HAPLN3: variants seen among roughly 807,000 people sequenced by gnomAD.
The protein encoded by HAPLN3 is extracellular link domain containing, 1.
Under a neutral mutation model 28.1 loss-of-function variants are expected in HAPLN3, and 28 were observed. The ratio of observed to expected loss-of-function variants is 1.00; its 90% CI spans 0.74 to 1.37. The LOEUF (loss-of-function observed/expected upper bound fraction) is 1.37. HAPLN3 is among the 40% of genes most tolerant of loss of function. The probability of loss-of-function intolerance (pLI) is 0.00; values close to 1 mark genes in which losing one functional copy is unlikely to be tolerated. For missense variants in HAPLN3, 513 were observed against 504.6 expected (o/e 1.02, Z -0.16); for synonymous variants, 211 against 213.1 (o/e 0.99, Z 0.09).
chr15:88,882,536 A>G (rs1167075727), intron 2 of HAPLN3, among the ~76,000 whole-genome samples: 1 of 152,222 alleles, frequency 6.6e-6, no homozygotes, highest in Non-Finnish European at 1.5e-5. Context: ...CAGAACTTCT[A>G]AAGGAGACTA....
chr15:88,882,789 A>C lies in HAPLN3; in HGVS notation c.125-1064T>G, dbSNP rs978988857. ...GAGGCCAGGACAGGAGGATCGCTTCAGCCCAGGAGTTTGAGACCAGCCTGG... is the reference window on the plus strand; with the variant it reads ...GAGGCCAGGACAGGAGGATCGCTTCCGCCCAGGAGTTTGAGACCAGCCTGG... On this transcript the variant is annotated intron_variant, in intron 2 of 4. Coordinates refer to ENST00000359595, the MANE Select transcript of HAPLN3 (RefSeq NM_178232.4). 2.6e-5 allele frequency among the ~76,000 whole-genome samples: 4 copies of C among 152,182 alleles called. No homozygotes were observed. In the East Asian group the frequency reaches 7.7e-4, roughly 29 times the overall value.
rs770149173 is a variant in HAPLN3 at position 88,879,244 on chromosome 15, G to A, written c.519C>T (p.Pro173=). 4.4e-6 allele frequency: 7 copies of A among 1,608,456 alleles called. No individual in the cohort carries two copies. Among genetic ancestry groups the A allele is most frequent in the South Asian group, 2.2e-5 (2 of 90,370 alleles). ...LRGVVFPYQS[P]NGRYQFNFHE... is the part of the protein sequence containing the mutation. ...GGAAGTTGAACTGGTAGCGCCCGTT[G>A]GGGGACTGGTAAGGAAAGACCACAC... The change falls in exon 4 of 5, where the codon CCC becomes CCT. Residue 173 remains proline, a synonymous_variant. Transcript: ENST00000359595. This position sits in a 1 kb window ranked among gnomAD's most constrained non-coding sequence, Gnocchi z 5.0.
In HAPLN3 at chr15:88,881,602, C is replaced by T. The variant is rs1287870721; in HGVS notation, c.248G>A (p.Arg83His). 6.2e-6 allele frequency: 10 copies of T among 1,614,028 alleles called. No homozygotes were observed. The highest frequency in any genetic ancestry group is 1.7e-5 in the Admixed American group (1 of 60,034). The change falls in exon 3 of 5, where the codon CGT becomes CAT. Residue 83 changes from arginine to histidine, a missense_variant. Physicochemically the swap from Arg to His is conservative, Grantham distance 29. Transcript: ENST00000359595. This position sits in a 1 kb window ranked among gnomAD's most constrained non-coding sequence, Gnocchi z 6.0. Reference sequence around the variant, plus strand: ...CAGCTTCCACCATTTGACACGCACACGCCGCGGGGAGACCAGGGCCGGCTC... The same window carrying T: ...CAGCTTCCACCATTTGACACGCACATGCCGCGGGGAGACCAGGGCCGGCTC... The part of the protein sequence containing the change: ...RYEPALVSPR[R>H]VRVKWWKLSE...
At chr15:88,886,773 C>T (rs8023515) in intron 2 of HAPLN3, among the ~76,000 whole-genome samples, 14,254 of 152,208 alleles carry the variant, frequency 0.094, 776 homozygotes, top group Non-Finnish European at 0.13. Context: ...TGCAGTGAGC[C>T]GAGATCGTGC....
intron 1 of HAPLN3, among the ~76,000 whole-genome samples, chr15:88,889,761 C>T (rs755876687): frequency 6.6e-6 from 1 of 152,184 alleles, no homozygotes; most frequent in Admixed American, 6.5e-5. Flanking sequence ...GGCAGCAAGA[C>T]CAGAATGACA....
At chr15:88,885,884 G>A (rs1897839615) in intron 2 of HAPLN3, among the ~76,000 whole-genome samples, 1 of 151,962 alleles carries the variant, frequency 6.6e-6, no homozygotes, top group South Asian at 2.1e-4. Flanking sequence ...ACTGCACCCA[G>A]CCCTCAGCTT....
At chr15:88,885,095 A>G (rs1056972806) in intron 2 of HAPLN3, among the ~76,000 whole-genome samples, 6 of 152,268 alleles carry the variant, frequency 3.9e-5, no homozygotes, top group Non-Finnish European at 4.4e-5. Flanking sequence ...AAAAGAGGGA[A>G]AATGCCTCTG....
intron 1 of HAPLN3, among the ~76,000 whole-genome samples, chr15:88,887,830 T>A (rs780825463): frequency 2.0e-5 from 3 of 151,670 alleles, no homozygotes; most frequent in Non-Finnish European, 4.4e-5. Context: ...AGGCATGGTG[T>A]CACATGTCTG....
intron 1 of HAPLN3, among the ~76,000 whole-genome samples, chr15:88,887,855 C>T (rs558034220): frequency 5.4e-4 from 82 of 151,836 alleles, no homozygotes; most frequent in African/African-American, 1.7e-3. Context: ...CCCAGCTACT[C>T]GGGAGGCTGA....
At chr15:88,882,854 A>G (rs529601063) in intron 2 of HAPLN3, among the ~76,000 whole-genome samples, 3 of 152,250 alleles carry the variant, frequency 2.0e-5, no homozygotes, top group African/African-American at 7.2e-5. Context: ...AAAATTTTTA[A>G]AACTAGCTGA....
chr15:88,880,287 C>G lies in HAPLN3; in HGVS notation c.494-1018G>C. Reference sequence around the variant, plus strand: ...AGACCAATGACTCTTGCAGGTTCTCCCCAACTCCACTGCCACCCCAACTTC... The same window carrying G: ...AGACCAATGACTCTTGCAGGTTCTCGCCAACTCCACTGCCACCCCAACTTC... On this transcript the variant is annotated intron_variant, in intron 3 of 4. Transcript: ENST00000359595. This position sits in a 1 kb window ranked among gnomAD's most constrained non-coding sequence, Gnocchi z 6.0. 1.9e-6 allele frequency: 2 copies of G among 1,061,984 alleles called. No homozygotes were observed. The highest frequency in any genetic ancestry group is 2.3e-6 in the Non-Finnish European group (2 of 874,500). 65.8% of individuals were successfully genotyped at this position (1,061,984 alleles called of 1,614,324 possible).
intron 2 of HAPLN3, among the ~76,000 whole-genome samples, chr15:88,884,897 G>A (rs1286913637): frequency 6.6e-6 from 1 of 152,186 alleles, no homozygotes; most frequent in Non-Finnish European, 1.5e-5. Context: ...ACCAGAACCG[G>A]AAGAGGCAAG....
rs1277801061 is a variant in HAPLN3, at chr15:88,880,459, T to C, written c.493+898A>G. ...GAGGAAAGATTGTGATACCCCATTT[T>C]ACACCTGAGAGGCCCAGGGCTCTAA... On this transcript the variant is annotated intron_variant, in intron 3 of 4. Transcript: ENST00000359595. This position sits in a 1 kb window ranked among gnomAD's most constrained non-coding sequence, Gnocchi z 6.0. The C allele has an allele frequency of 2.7e-5, 33 of 1,223,162 alleles. No homozygotes were observed. Among genetic ancestry groups the C allele is most frequent in the Non-Finnish European group, 3.3e-5 (31 of 951,720 alleles). 75.8% of individuals were successfully genotyped at this position (1,223,162 alleles called of 1,614,324 possible).
chr15:88,881,467 T>A lies in HAPLN3; in HGVS notation c.383A>T (p.Asp128Val), dbSNP rs1443596368. 6.2e-7 allele frequency: 1 copy of A among 1,613,924 alleles called. No individual in the cohort carries two copies. The highest frequency in any genetic ancestry group is 1.3e-5 in the African/African-American group (1 of 74,938). ...CAGATCCTGGATCTCCAGCGAGACG[T>A]CATGCTCTTTGTCCTGCCGCAGGTG... ...RVHLRQDKEH[D>V]VSLEIQDLRL... The change falls in exon 3 of 5, where the codon GAC (aspartate) becomes GTC (valine). Residue 128 changes from aspartate to valine, a missense_variant. Physicochemically the swap from Asp to Val is radical, Grantham distance 152. Transcript: ENST00000359595. This position sits in a 1 kb window ranked among gnomAD's most constrained non-coding sequence, Gnocchi z 6.0.
chr15:88,893,499 T>C (rs1898069912), intron 1 of HAPLN3, among the ~76,000 whole-genome samples: 1 of 151,988 alleles, frequency 6.6e-6, no homozygotes, highest in Non-Finnish European at 1.5e-5. Flanking sequence ...GCTCAACAAA[T>C]GAACATGGCA....
chr15:88,889,870 C>G (rs144584844), intron 1 of HAPLN3, among the ~76,000 whole-genome samples: 2 of 152,108 alleles, frequency 1.3e-5, no homozygotes, highest in Non-Finnish European at 2.9e-5. Flanking sequence ...ACAATTGCCT[C>G]TGCTATGATT....
chr15:88,893,731 T>C (rs56259983), intron 1 of HAPLN3, among the ~76,000 whole-genome samples: 3,949 of 152,050 alleles, frequency 0.026, 172 homozygotes, highest in African/African-American at 0.087. Context: ...AGTTCAAGAC[T>C]AGCCTGGCCA....
Position 88,895,107 on chromosome 15 carries a change from T to C in HAPLN3, c.-48+352A>G, listed in dbSNP as rs1037039012. ...GGACGGCACTGGAGGCAGCCGACCC[T>C]GGACAGACGACAGGGGAGAGAGCCA... is the stretch of plus-strand genomic sequence containing the variant. On this transcript the variant is annotated intron_variant, in intron 1 of 4. Coordinates refer to ENST00000359595, the MANE Select transcript of HAPLN3 (RefSeq NM_178232.4). The surrounding 1 kb of genome is among the most constrained non-coding windows in gnomAD (Gnocchi z 5.5). Among the ~76,000 whole-genome samples, 17 of 152,152 alleles carry C rather than the reference T, an allele frequency of 1.1e-4. No individual in the cohort carries two copies. Among genetic ancestry groups the C allele is most frequent in the African/African-American group, 4.1e-4 (17 of 41,504 alleles).
At position 88,895,242 on chromosome 15, in the gene HAPLN3, C is replaced by A. The variant is rs969113363; in HGVS notation, c.-48+217G>T. On this transcript the variant is annotated intron_variant, in intron 1 of 4. Coordinates refer to ENST00000359595, the MANE Select transcript of HAPLN3 (RefSeq NM_178232.4). This position sits in a 1 kb window ranked among gnomAD's most constrained non-coding sequence, Gnocchi z 5.5. ...GGGCACGAGGGTCCGGCGCCCGCAT[C>A]CCCGCGCCGCTCCCTCCCCACTTGT... Among the ~76,000 whole-genome samples, 8 of 152,144 alleles carry A rather than the reference C, an allele frequency of 5.3e-5. No homozygotes were observed. The highest frequency in any genetic ancestry group is 1.2e-4 in the Non-Finnish European group (8 of 68,012).
Sources: gnomAD v4.1 joint callset for allele counts (sites outside exome capture counted in the v4.1 genomes callset) on GRCh38, gnomAD v4.1.1 for gene constraint, Gnocchi (gnomAD v3.1) non-coding constraint, MANE v1.5 for transcripts, NCBI Gene and HGNC (gene_info 2026-07-23, HGNC 2026-07-21) for gene names.